Variants in BAZ2B observed in about 807,000 individuals in gnomAD.
The protein encoded by BAZ2B is bromodomain adjacent to zinc finger domain protein 2B.
A neutral mutation model predicts 246.0 loss-of-function variants in BAZ2B; 91 were observed. That is an observed-to-expected ratio of 0.37 (90% CI 0.31 to 0.44). The LOEUF (loss-of-function observed/expected upper bound fraction) is 0.44. BAZ2B is among the 20% of genes least tolerant of loss of function. BAZ2B has a pLI of 1.00. For synonymous variants in BAZ2B, 855 were observed against 860.0 expected, an observed-to-expected ratio of 0.99 and a Z score of 0.10; for missense variants, 2,332 against 2,533.7, an observed-to-expected ratio of 0.92 and a Z score of 1.71.
intron 25 of BAZ2B, among the ~76,000 whole-genome samples, 199 bp downstream of exon 25, chr2:159,382,360 C>T (rs2149501680): frequency 6.6e-6 from 1 of 152,110 alleles, no homozygotes; most frequent in East Asian, 1.9e-4. Context: ...TATGTATAGA[C>T]ATTCTACAAG....
intron 2 of BAZ2B, among the ~76,000 whole-genome samples, chr2:159,498,755 CTT>C (rs1161502964): frequency 1.3e-5 from 2 of 152,194 alleles, no homozygotes; most frequent in East Asian, 3.9e-4. Context: ...TATGTATTAA[CTT>C]ATTGTTTCAA....
the BAZ2B span, among the ~76,000 whole-genome samples, chr2:159,711,415 C>T: frequency 9.2e-5 from 14 of 152,170 alleles, 1 homozygote; most frequent in East Asian, 2.3e-3. Context: ...GTCTGTTAGT[C>T]CCCAAGACAA....
intron 25 of BAZ2B, 61 bp from the exon 26 acceptor site, chr2:159,374,814 A>T (rs2061247290): frequency 1.2e-5 from 18 of 1,480,834 alleles, no homozygotes; most frequent in Non-Finnish European, 1.7e-5. Flanking sequence ...TCAATCAGTA[A>T]ATATTTAATG....
At chr2:159,586,657 C>G (rs1688076122) in intron 1 of BAZ2B, among the ~76,000 whole-genome samples, 1 of 152,074 alleles carries the variant, frequency 6.6e-6, no homozygotes, top group Non-Finnish European at 1.5e-5. Context: ...CTGCTTGAGA[C>G]TAGGAGTTCA....
intron 25 of BAZ2B, 97 bp from the exon 26 acceptor site, chr2:159,374,850 A>C (rs1302017950): frequency 6.0e-6 from 6 of 994,762 alleles, no homozygotes; most frequent in Admixed American, 1.9e-5. Flanking sequence ...CACTGCGGAA[A>C]GGTATTAAGA....
chr2:159,457,493 T>C (rs2075919168), intron 3 of BAZ2B, among the ~76,000 whole-genome samples: 1 of 152,218 alleles, frequency 6.6e-6, no homozygotes, highest in African/African-American at 2.4e-5. Context: ...AACAAAAAGC[T>C]GTCTTGAGTC....
At chr2:159,654,598 A>G in the BAZ2B span, among the ~76,000 whole-genome samples, 2 of 152,170 alleles carry the variant, frequency 1.3e-5, no homozygotes, top group African/African-American at 4.8e-5. Context: ...TTCTTCTTCA[A>G]TGCTCTCTAT....
chr2:159,462,479 C>T (rs559006645), intron 3 of BAZ2B: 47 of 1,064,708 alleles, frequency 4.4e-5, no homozygotes, highest in Middle Eastern at 2.0e-4. Context: ...AAGCTGCCGG[C>T]GCAAGACCTT....
chr2:159,660,540 GA>G, the BAZ2B span, among the ~76,000 whole-genome samples: 1 of 152,104 alleles, frequency 6.6e-6, no homozygotes, highest in Non-Finnish European at 1.5e-5. Flanking sequence ...GCCAAACTGT[GA>G]AAAGCAACTA....
rs36118156 is a variant in BAZ2B, at chr2:159,568,838, G to A, written c.-45-12973C>T. ...TTTCAACAATAATACTGGGAGAAGA[G>A]GACAAGGTCATGAAAAGTTGTCAAA... On this transcript the variant is annotated intron_variant, in intron 1 of 36. Transcript: ENST00000392783. 1.4e-3 allele frequency among the ~76,000 whole-genome samples: 216 copies of A among 152,216 alleles called. 1 individual carries two copies. The highest frequency in any genetic ancestry group is 3.4e-3 in the Middle Eastern group (1 of 294).
At chr2:159,368,072 C>G (rs11687704) in intron 27 of BAZ2B, among the ~76,000 whole-genome samples, 6 of 152,010 alleles carry the variant, frequency 3.9e-5, no homozygotes, top group Admixed American at 3.9e-4. Flanking sequence ...TGTCTTCATA[C>G]GTGCTGTATC....
chr2:159,476,120 G>A (rs1233975681), intron 3 of BAZ2B, among the ~76,000 whole-genome samples: 1 of 152,172 alleles, frequency 6.6e-6, no homozygotes, highest in African/African-American at 2.4e-5. Context: ...GAATGTTTAA[G>A]TCTTTTGAAG....
downstream of BAZ2B, among the ~76,000 whole-genome samples, chr2:159,318,200 T>A (rs959726712): frequency 3.3e-4 from 50 of 152,312 alleles, no homozygotes; most frequent in African/African-American, 1.2e-3. Flanking sequence ...CCATGGAGCA[T>A]CAGGCAGTTC....
At chr2:159,475,226 A>T (rs1342457183) in intron 3 of BAZ2B, among the ~76,000 whole-genome samples, 1 of 151,874 alleles carries the variant, frequency 6.6e-6, no homozygotes, top group Admixed American at 6.6e-5. Context: ...ACATAGTCCT[A>T]TATTTCTTGG....
intron 2 of BAZ2B, among the ~76,000 whole-genome samples, chr2:159,537,346 C>T (rs2086127416): frequency 6.6e-6 from 1 of 152,204 alleles, no homozygotes; most frequent in Non-Finnish European, 1.5e-5. Context: ...GTGGTGATGA[C>T]CGTACACCAA....
chr2:159,410,894 C>T (rs533575246), intron 14 of BAZ2B, among the ~76,000 whole-genome samples: 2 of 152,258 alleles, frequency 1.3e-5, no homozygotes, highest in East Asian at 3.9e-4. Flanking sequence ...CAAAAAGAGA[C>T]TGACTCAAGT....
At chr2:159,358,721 T>C (rs2059378459) in intron 27 of BAZ2B, among the ~76,000 whole-genome samples, 1 of 152,048 alleles carries the variant, frequency 6.6e-6, no homozygotes, top group Non-Finnish European at 1.5e-5. Context: ...AGTAAAACAC[T>C]CCTCAGCAAA....
At chr2:159,539,398 C>A (rs562489432) in intron 2 of BAZ2B, among the ~76,000 whole-genome samples, 4 of 152,158 alleles carry the variant, frequency 2.6e-5, no homozygotes, top group Non-Finnish European at 5.9e-5. Flanking sequence ...TTAGGGGCAA[C>A]ACAGAAGAAT....
At chr2:159,577,360 C>A (rs1385922484) in intron 1 of BAZ2B, among the ~76,000 whole-genome samples, 1 of 152,134 alleles carries the variant, frequency 6.6e-6, no homozygotes, top group Non-Finnish European at 1.5e-5. Flanking sequence ...GCATTTACCA[C>A]GTTAAAGAGG....
Sources: gnomAD v4.1 joint callset for allele counts (sites outside exome capture counted in the v4.1 genomes callset) on GRCh38, gnomAD v4.1.1 for gene constraint, MANE v1.5 for transcripts, NCBI Gene and HGNC (gene_info 2026-07-23, HGNC 2026-07-21) for gene names.